Variants in NPAS3 observed in about 807,000 individuals in gnomAD.
The protein encoded by NPAS3 is neuronal PAS domain-containing protein 3.
NPAS3 carries 14 observed loss-of-function variants against 73.1 expected under a neutral mutation model. The ratio of observed to expected loss-of-function variants is 0.19; its 90% CI spans 0.13 to 0.30. The LOEUF is 0.30. Among genes scored for constraint, NPAS3 ranks in the 10% least tolerant of loss-of-function variants. The probability of loss-of-function intolerance (pLI) is 1.00; values close to 1 mark genes in which losing one functional copy is unlikely to be tolerated. For missense variants in NPAS3, 1,096 were observed against 1,250.0 expected, an observed-to-expected ratio of 0.88 and a Z score of 1.86; for synonymous variants, 620 against 541.5, an observed-to-expected ratio of 1.14 and a Z score of -2.01.
intron 4 of NPAS3, among the ~76,000 whole-genome samples, chr14:33,439,031 A>C (rs564489238): frequency 1.1e-4 from 17 of 152,282 alleles, no homozygotes; most frequent in African/African-American, 4.1e-4. Flanking sequence ...ACAATTGTTC[A>C]ATTTCCAAAC....
chr14:33,105,747 G>A (rs1031591486), intron 2 of NPAS3, among the ~76,000 whole-genome samples: 10 of 150,302 alleles, frequency 6.7e-5, no homozygotes, highest in Non-Finnish European at 1.3e-4. Context: ...AACATATATC[G>A]TTATTTAGGA....
chr14:33,359,810 A>C (rs1188283256), intron 3 of NPAS3, among the ~76,000 whole-genome samples: 1 of 152,214 alleles, frequency 6.6e-6, no homozygotes, highest in African/African-American at 2.4e-5. Flanking sequence ...GTTATCAGAG[A>C]GCTCACGGTG....
At chr14:33,370,555 G>T (rs942697173) in intron 4 of NPAS3, among the ~76,000 whole-genome samples, 20 of 152,110 alleles carry the variant, frequency 1.3e-4, no homozygotes, top group Admixed American at 1.0e-3. Context: ...TCCATGGAGA[G>T]GGCTTTTATG....
At position 33,294,201 on chromosome 14, in the gene NPAS3, C is replaced by T. The variant is rs142979648; in HGVS notation, c.386-72985C>T. 6.6e-5 allele frequency among the ~76,000 whole-genome samples: 10 copies of T among 152,260 alleles called. 1 individual carries two copies. The highest frequency in any genetic ancestry group is 2.4e-4 in the African/African-American group (10 of 41,554). ...GTATTACCTTGAAGCCATGGTCTTCCCTTGGACTGCCTCCCTAGCTTTTGC... is the reference window on the plus strand; with the variant it reads ...GTATTACCTTGAAGCCATGGTCTTCTCTTGGACTGCCTCCCTAGCTTTTGC... On this transcript the variant is annotated intron_variant, in intron 3 of 11. Transcript: ENST00000356141.
Position 33,393,279 on chromosome 14 carries a change from T to C in NPAS3, c.468+26011T>C, listed in dbSNP as rs554662864. Among the ~76,000 whole-genome samples, 11 of 152,282 alleles carry C rather than the reference T, an allele frequency of 7.2e-5. No homozygotes were observed. The East Asian group carries it at 2.1e-3, about 29-fold the overall frequency. On this transcript the variant is annotated intron_variant, in intron 4 of 11. Transcript: ENST00000356141. ...AAGCTGTGGTCACCGTATTTGCTGATAGTTTTTTATAAGGTGGGTGGAATT... is the reference window on the plus strand; with the variant it reads ...AAGCTGTGGTCACCGTATTTGCTGACAGTTTTTTATAAGGTGGGTGGAATT...
intron 2 of NPAS3, among the ~76,000 whole-genome samples, chr14:33,104,189 C>A (rs1043568770): frequency 6.6e-6 from 1 of 152,158 alleles, no homozygotes; most frequent in Admixed American, 6.6e-5. Context: ...GGACCTTGTT[C>A]TAACACCTTC....
At position 33,231,175 on chromosome 14, in the gene NPAS3, T is replaced by G. The variant is rs530336850; in HGVS notation, c.385+15749T>G. ...AAATGACAAGTCCTGGACAATTGTTTATAAAATATTTTATAAGTTCATAAA... is the reference window on the plus strand; with the variant it reads ...AAATGACAAGTCCTGGACAATTGTTGATAAAATATTTTATAAGTTCATAAA... On this transcript the variant is annotated intron_variant, in intron 3 of 11. Transcript: ENST00000356141. Among the ~76,000 whole-genome samples, 8 of 152,356 alleles carry G rather than the reference T, an allele frequency of 5.3e-5. No homozygotes were observed. The South Asian group carries it at 1.7e-3, about 32-fold the overall frequency.
intron 4 of NPAS3, among the ~76,000 whole-genome samples, chr14:33,384,240 TATAAAAGAA>T (rs1283235275): frequency 6.6e-6 from 1 of 152,162 alleles, no homozygotes; most frequent in East Asian, 1.9e-4. Flanking sequence ...AACCTTAGGA[TATAAAAGAA>T]ATAAAACCCT....
At chr14:33,645,319 C>A (rs192960281) in intron 5 of NPAS3, among the ~76,000 whole-genome samples, 2 of 152,132 alleles carry the variant, frequency 1.3e-5, no homozygotes, top group East Asian at 3.9e-4. Flanking sequence ...GGGTGGGATT[C>A]CAGAATTGCA....
At chr14:33,061,465 A>G (rs1419684819) in intron 2 of NPAS3, among the ~76,000 whole-genome samples, 1 of 152,242 alleles carries the variant, frequency 6.6e-6, no homozygotes, top group Non-Finnish European at 1.5e-5. Flanking sequence ...CGATATCCAA[A>G]TGAATTCTAA....
intron 1 of NPAS3, among the ~76,000 whole-genome samples, chr14:33,046,127 T>G (rs936215604): frequency 6.6e-6 from 1 of 152,182 alleles, no homozygotes; most frequent in African/African-American, 2.4e-5. Context: ...AGTCACGAGC[T>G]TGGTAAATCC....
At chr14:33,004,935 C>T (rs2038948677) in intron 1 of NPAS3, among the ~76,000 whole-genome samples, 1 of 150,260 alleles carries the variant, frequency 6.7e-6, no homozygotes, top group Non-Finnish European at 1.5e-5. Flanking sequence ...CTTCCACCTT[C>T]ACATCTTGTC....
chr14:33,729,246 G>T (rs1185131209), intron 6 of NPAS3, among the ~76,000 whole-genome samples: 1 of 152,090 alleles, frequency 6.6e-6, no homozygotes, highest in East Asian at 1.9e-4. Context: ...CAGGTAGTGT[G>T]CCCTACACAT....
At chr14:32,973,983 G>T (rs570169588) in intron 1 of NPAS3, among the ~76,000 whole-genome samples, 1 of 152,150 alleles carries the variant, frequency 6.6e-6, no homozygotes, top group East Asian at 1.9e-4. Flanking sequence ...TTCTAGAAAC[G>T]ATTTGAAGTC....
intron 7 of NPAS3, among the ~76,000 whole-genome samples, chr14:33,741,516 C>T (rs1026825741): frequency 6.6e-6 from 1 of 152,162 alleles, no homozygotes; most frequent in Non-Finnish European, 1.5e-5. Flanking sequence ...CCTTTTACCT[C>T]GTTTTAGTCT....
chr14:33,439,581 A>G (rs2049146105), intron 4 of NPAS3, among the ~76,000 whole-genome samples: 1 of 152,256 alleles, frequency 6.6e-6, no homozygotes, highest in African/African-American at 2.4e-5. Flanking sequence ...TAAGAATTCC[A>G]ATGCAAAACA....
chr14:33,716,061 G>C (rs2060948887), intron 6 of NPAS3, among the ~76,000 whole-genome samples: 1 of 152,168 alleles, frequency 6.6e-6, no homozygotes, highest in South Asian at 2.1e-4. Context: ...ACACAGCAGT[G>C]TGAGAACAGA....
At chr14:33,681,892 G>A (rs1325821309) in intron 6 of NPAS3, among the ~76,000 whole-genome samples, 4 of 134,652 alleles carry the variant, frequency 3.0e-5, no homozygotes, top group Admixed American at 1.4e-4. Context: ...GTGACAAACA[G>A]TGTAGTCGAG....
chr14:32,968,052 GA>G (rs1218349379), intron 1 of NPAS3, among the ~76,000 whole-genome samples: 2 of 152,086 alleles, frequency 1.3e-5, no homozygotes, highest in Non-Finnish European at 2.9e-5. Context: ...TAAAAGTAGA[GA>G]GTAGAATAGT....
Sources: gnomAD v4.1 joint callset for allele counts (sites outside exome capture counted in the v4.1 genomes callset) on GRCh38, gnomAD v4.1.1 for gene constraint, MANE v1.5 for transcripts, NCBI Gene and HGNC (gene_info 2026-07-23, HGNC 2026-07-21) for gene names.